Variants in FSTL5 observed in about 807,000 individuals in gnomAD.
FSTL5 encodes follistatin-related protein 5.
Under a neutral mutation model 89.1 loss-of-function variants are expected in FSTL5, and 62 were observed. The ratio of observed to expected loss-of-function variants is 0.70; its 90% CI spans 0.57 to 0.86. The LOEUF (loss-of-function observed/expected upper bound fraction) is 0.86, where lower values mean the gene tolerates loss of function less well. Ranked by LOEUF, FSTL5 falls within the 40% of genes least tolerant of loss-of-function variation. The pLI is 0.00. For missense variants in FSTL5, 1,057 were observed against 1,001.6 expected, an observed-to-expected ratio of 1.06 and a Z score of -0.75; for synonymous variants, 383 against 346.2, an observed-to-expected ratio of 1.11 and a Z score of -1.18.
intron 12 of FSTL5, among the ~76,000 whole-genome samples, chr4:161,482,592 C>G (rs183706817): frequency 2.6e-5 from 4 of 152,086 alleles, no homozygotes; most frequent in African/African-American, 9.7e-5. Context: ...TATCACCAAG[C>G]GTTTATTTTT....
At chr4:161,545,560 A>C (rs1200755220) in intron 8 of FSTL5, among the ~76,000 whole-genome samples, 3 of 152,010 alleles carry the variant, frequency 2.0e-5, no homozygotes. Context: ...TTACAAATAC[A>C]TGCCAATATC....
chr4:161,849,707 T>A (rs1237062718), intron 4 of FSTL5, among the ~76,000 whole-genome samples: 1 of 152,114 alleles, frequency 6.6e-6, no homozygotes, highest in Non-Finnish European at 1.5e-5. Context: ...ATGTTCCAAG[T>A]AGAGACTGAA....
chr4:161,649,420 A>AC, intron 7 of FSTL5, among the ~76,000 whole-genome samples: 2 of 152,154 alleles, frequency 1.3e-5, no homozygotes, highest in Non-Finnish European at 2.9e-5. Context: ...ACATCAATCT[A>AC]AGTGTCAATA....
chr4:161,777,591 T>C (rs1484511703), intron 4 of FSTL5, among the ~76,000 whole-genome samples: 8 of 152,072 alleles, frequency 5.3e-5, no homozygotes, highest in Admixed American at 4.6e-4. Flanking sequence ...CTGATATTCA[T>C]TCATCTCTTT....
chr4:161,410,835 CAAAT>C (rs982039530), intron 15 of FSTL5, among the ~76,000 whole-genome samples: 31 of 147,998 alleles, frequency 2.1e-4, no homozygotes, highest in Admixed American at 6.7e-4. Context: ...AAGAAAAAAA[CAAAT>C]AAACCCCCAA....
chr4:161,430,029 T>G (rs1276381796), intron 15 of FSTL5, among the ~76,000 whole-genome samples: 1 of 151,958 alleles, frequency 6.6e-6, no homozygotes, highest in Non-Finnish European at 1.5e-5. Flanking sequence ...TCAGGTAAAT[T>G]TAACAAAGAG....
chr4:162,085,902 T>C (rs577808874), intron 2 of FSTL5, among the ~76,000 whole-genome samples: 1 of 152,248 alleles, frequency 6.6e-6, no homozygotes, highest in East Asian at 1.9e-4. Context: ...CACAGTTTAA[T>C]TTATATCACA....
In FSTL5 at chr4:161,474,285, A is replaced by C. The variant is rs528676920; in HGVS notation, c.1608+6735T>G. 1.8e-4 allele frequency among the ~76,000 whole-genome samples: 28 copies of C among 152,256 alleles called. No individual in the cohort carries two copies. The South Asian group carries it at 5.4e-3, about 29-fold the overall frequency. On this transcript the variant is annotated intron_variant, in intron 13 of 15. Transcript: ENST00000306100. ...ATTACATTTTTGTACACCACGTGCC[A>C]AAAAAATAAACAAATAATTATTTTA...
intron 6 of FSTL5, among the ~76,000 whole-genome samples, chr4:161,749,494 G>A (rs1027610737): frequency 6.6e-6 from 1 of 152,070 alleles, no homozygotes; most frequent in Non-Finnish European, 1.5e-5. Context: ...GGATACACAT[G>A]GACATAAAGA....
At chr4:161,701,077 T>TTAGA (rs1290582050) in intron 6 of FSTL5, among the ~76,000 whole-genome samples, 3 of 152,194 alleles carry the variant, frequency 2.0e-5, no homozygotes, top group Non-Finnish European at 4.4e-5. Flanking sequence ...TTTTGTCTCT[T>TTAGA]TAGAATAGAA....
At chr4:161,411,225 C>G (rs1262847862) in intron 15 of FSTL5, among the ~76,000 whole-genome samples, 1 of 152,056 alleles carries the variant, frequency 6.6e-6, no homozygotes, top group Non-Finnish European at 1.5e-5. Flanking sequence ...AGCCCCTGAC[C>G]AGATGATTCA....
rs188536171 is a variant in FSTL5, at chr4:162,011,044, C to T, written c.160+22581G>A. Among the ~76,000 whole-genome samples, 590 of 152,222 alleles carry T rather than the reference C, an allele frequency of 3.9e-3. 3 individuals carry two copies. Among genetic ancestry groups the T allele is most frequent in the Non-Finnish European group, 5.6e-3 (384 of 68,014 alleles). Reference sequence around the variant, plus strand: ...TGTGTATCAAAATAAAATCCAGGAACATCAGAACAGTTTACAGATGCCCCA... The same window carrying T: ...TGTGTATCAAAATAAAATCCAGGAATATCAGAACAGTTTACAGATGCCCCA... On this transcript the variant is annotated intron_variant, in intron 3 of 15. Transcript: ENST00000306100.
chr4:161,761,810 C>G (rs1280083863), intron 5 of FSTL5, among the ~76,000 whole-genome samples: 3 of 152,136 alleles, frequency 2.0e-5, no homozygotes, highest in Non-Finnish European at 4.4e-5. Flanking sequence ...TGAAGCATAT[C>G]CATGCATAGG....
intron 4 of FSTL5, among the ~76,000 whole-genome samples, chr4:161,806,434 A>G (rs1449824268): frequency 6.6e-6 from 1 of 152,136 alleles, no homozygotes; most frequent in Non-Finnish European, 1.5e-5. Context: ...GAAAAATGAG[A>G]TGCATGTTAA....
intron 8 of FSTL5, among the ~76,000 whole-genome samples, chr4:161,579,324 A>T (rs968931939): frequency 5.9e-5 from 9 of 152,132 alleles, no homozygotes; most frequent in African/African-American, 1.2e-4. Context: ...CAAAAATTTT[A>T]AAAAAAGATA....
intron 3 of FSTL5, among the ~76,000 whole-genome samples, chr4:161,936,866 GA>G (rs568598015): frequency 1.7e-3 from 254 of 152,274 alleles, no homozygotes; most frequent in African/African-American, 5.7e-3. Flanking sequence ...CCATCAGGCA[GA>G]TTATTCAGAT....
chr4:162,008,983 T>C (rs1265937042), intron 3 of FSTL5, among the ~76,000 whole-genome samples: 2 of 152,026 alleles, frequency 1.3e-5, no homozygotes, highest in African/African-American at 4.8e-5. Flanking sequence ...ATAAATAAAA[T>C]GGAAGAAGAA....
chr4:162,043,408 T>C (rs1269034577), intron 2 of FSTL5: 1 of 152,146 alleles, frequency 6.6e-6, no homozygotes, highest in East Asian at 1.9e-4. Context: ...TAAAAATCAA[T>C]GTGCATACTT....
At chr4:161,399,690 G>A (rs1045966375) in intron 15 of FSTL5, among the ~76,000 whole-genome samples, 1 of 152,024 alleles carries the variant, frequency 6.6e-6, no homozygotes, top group Admixed American at 6.6e-5. Flanking sequence ...AAGAATACTT[G>A]AGCACCGTGA....
Sources: gnomAD v4.1 joint callset for allele counts (sites outside exome capture counted in the v4.1 genomes callset) on GRCh38, gnomAD v4.1.1 for gene constraint, MANE v1.5 for transcripts, NCBI Gene and HGNC (gene_info 2026-07-23, HGNC 2026-07-21) for gene names.